The following TTC28 variants were observed in gnomAD, a reference collection of about 807,000 sequenced individuals.
TTC28 encodes tetratricopeptide repeat domain 28, also known as tetratricopeptide repeat protein 28.
A neutral mutation model predicts 198.0 loss-of-function variants in TTC28; 61 were observed. The observed-to-expected ratio is 0.31, with a 90% confidence interval of 0.25 to 0.38. The LOEUF is 0.38. Ranked by LOEUF, TTC28 falls within the 10% of genes least tolerant of loss-of-function variation. The pLI, the probability that TTC28 is intolerant of heterozygous loss-of-function variation, is 1.00. For missense variants in TTC28, 2,678 were observed against 3,164.0 expected, an observed-to-expected ratio of 0.85 and a Z score of 3.69; for synonymous variants, 1,171 against 1,297.8, an observed-to-expected ratio of 0.90 and a Z score of 2.10.
At chr22:28,134,391 TCAGA>T (rs1241344073) in intron 6 of TTC28, among the ~76,000 whole-genome samples, 2 of 152,026 alleles carry the variant, frequency 1.3e-5, no homozygotes, top group Admixed American at 6.6e-5. Context: ...GAAGAAGGCG[TCAGA>T]CAATCAAACT....
intron 12 of TTC28, among the ~76,000 whole-genome samples, chr22:28,087,280 A>G (rs1488000548): frequency 6.6e-6 from 1 of 152,176 alleles, no homozygotes; most frequent in African/African-American, 2.4e-5. Context: ...ATGGCAAACC[A>G]AAACCAGCAG....
intron 2 of TTC28, among the ~76,000 whole-genome samples, chr22:28,417,300 T>TG (rs2047181003): frequency 4.5e-5 from 2 of 44,650 alleles, no homozygotes; most frequent in Non-Finnish European, 4.0e-5. Flanking sequence ...CTGTCTCTAC[T>TG]AAAAAAAAAA....
chr22:28,130,974 G>A (rs1431212129), intron 6 of TTC28, among the ~76,000 whole-genome samples: 1 of 152,176 alleles, frequency 6.6e-6, no homozygotes, highest in Non-Finnish European at 1.5e-5. Flanking sequence ...CAATTACTCA[G>A]AATATACTCA....
At chr22:28,469,472 A>G (rs2146296572) in intron 2 of TTC28, among the ~76,000 whole-genome samples, 1 of 152,320 alleles carries the variant, frequency 6.6e-6, no homozygotes, top group Admixed American at 6.5e-5. Flanking sequence ...CAAATTAAGG[A>G]TCAAAAAAAT....
At chr22:28,341,980 T>TA (rs898956703) in intron 2 of TTC28, among the ~76,000 whole-genome samples, 5 of 152,082 alleles carry the variant, frequency 3.3e-5, no homozygotes, top group South Asian at 2.1e-4. Context: ...TCCTGTCGCT[T>TA]AAAAAAACAG....
intron 2 of TTC28, among the ~76,000 whole-genome samples, chr22:28,395,987 T>A (rs989673856): frequency 6.6e-6 from 1 of 152,226 alleles, no homozygotes; most frequent in Non-Finnish European, 1.5e-5. Context: ...GTTAAGTGGT[T>A]TGTCCAAGAT....
rs1180800105 is a variant in TTC28, at chr22:28,020,803, GCA to G, written c.4074-6413_4074-6412del. 2.9e-5 allele frequency among the ~76,000 whole-genome samples: 4 copies of G among 136,128 alleles called. No individual in the cohort carries two copies. In the East Asian group the frequency reaches 8.7e-4, roughly 30 times the overall value. The allele number at this position is 136,128 out of a possible 152,430, so 89.3% of individuals were successfully genotyped here. ...AACACACACACACACACACACACACGCACACACACAGAGCTTTCTCAGGCTCT... is the reference window on the plus strand; with the variant it reads ...AACACACACACACACACACACACACGCACACACAGAGCTTTCTCAGGCTCT... On this transcript the variant is annotated intron_variant, in intron 13 of 22. Transcript: ENST00000397906.
intron 17 of TTC28, chr22:27,994,598 G>A (rs1241835243): frequency 6.6e-6 from 1 of 152,190 alleles, no homozygotes; most frequent in Non-Finnish European, 1.5e-5. Flanking sequence ...CAGGAGCGGG[G>A]GGCCTCCAAG....
intron 5 of TTC28, among the ~76,000 whole-genome samples, chr22:28,242,199 C>A (rs549265019): frequency 6.6e-6 from 1 of 152,306 alleles, no homozygotes; most frequent in Admixed American, 6.5e-5. Flanking sequence ...AGTGTCTACT[C>A]TCCAGCATTC....
chr22:28,105,555 C>G lies in TTC28; in HGVS notation c.3031G>C (p.Gly1011Arg), dbSNP rs946536657. The stretch of plus-strand genomic sequence containing the variant: ...TACTGCAGGGCTGTGTCATACTCCC[C>G]CATCTGCTGGTAAACGCCCCCCAGG... ...CGLGGVYQQM[G>R]EYDTALQYHQ... Residue 1011 changes from glycine to arginine, a missense_variant, in exon 8 of 23, where the codon GGG becomes CGG. By Grantham distance (125) the Gly-to-Arg change is moderately radical. Transcript: ENST00000397906. 6.4e-7 allele frequency: 1 copy of G among 1,551,736 alleles called. No individual in the cohort carries two copies. Among genetic ancestry groups the G allele is most frequent in the Non-Finnish European group, 8.7e-7 (1 of 1,147,004 alleles).
At chr22:28,187,280 C>T (rs1924288189) in intron 5 of TTC28, among the ~76,000 whole-genome samples, 1 of 152,060 alleles carries the variant, frequency 6.6e-6, no homozygotes, top group South Asian at 2.1e-4. Context: ...AAATACCAGT[C>T]CTAAAATACT....
chr22:28,623,988 CAA>C (rs919966621), intron 2 of TTC28, among the ~76,000 whole-genome samples: 3 of 150,970 alleles, frequency 2.0e-5, no homozygotes, highest in African/African-American at 7.3e-5. Flanking sequence ...GAAATGAAAA[CAA>C]AGAGCAAAGT....
chr22:28,589,404 C>G (rs116957167), intron 2 of TTC28, among the ~76,000 whole-genome samples: 10,523 of 152,232 alleles, frequency 0.069, 532 homozygotes, highest in Non-Finnish European at 0.096. Flanking sequence ...GCCAAATTCC[C>G]AAACAAGCCA....
At chr22:28,310,173 C>CACACACACACACACAA (rs1340546067) in intron 2 of TTC28, among the ~76,000 whole-genome samples, 4 of 94,358 alleles carry the variant, frequency 4.2e-5, no homozygotes, top group African/African-American at 1.8e-4. Context: ...CACACACACA[C>CACACACACACACACAA]AAAAAACAAG....
At chr22:28,550,063 T>C (rs1432409682) in intron 2 of TTC28, among the ~76,000 whole-genome samples, 1 of 152,126 alleles carries the variant, frequency 6.6e-6, no homozygotes, top group Non-Finnish European at 1.5e-5. Flanking sequence ...TCTATGACTG[T>C]TTAGTGAAAA....
chr22:28,399,237 C>A (rs925017072), intron 2 of TTC28, among the ~76,000 whole-genome samples: 3 of 152,022 alleles, frequency 2.0e-5, no homozygotes, highest in Non-Finnish European at 4.4e-5. Context: ...AAATTTAAAT[C>A]CCTGCCTGTA....
rs1318550358 is a variant in TTC28 at position 27,982,686 on chromosome 22, G to A, written c.6981C>T (p.Ser2327=). The A allele has an allele frequency of 2.6e-6, 4 of 1,551,622 alleles. No individual in the cohort carries two copies. Among genetic ancestry groups the A allele is most frequent in the Admixed American group, 3.9e-5 (2 of 50,982 alleles). The change falls in exon 23 of 23, where the codon TCC becomes TCT. Residue 2327 remains serine (S), a synonymous_variant. Coordinates refer to ENST00000397906, the MANE Select transcript of TTC28 (RefSeq NM_001145418.2). This position sits in a 1 kb window ranked among gnomAD's most constrained non-coding sequence, Gnocchi z 5.2. ...GSAPSPALSY[S]SAGSARSSPA... is the part of the protein sequence containing the mutation. ...GACTTGAGCGAGCAGATCCAGCTGAGGAGTAGGAGAGAGCTGGGGAGGGTG... is the reference window on the plus strand; with the variant it reads ...GACTTGAGCGAGCAGATCCAGCTGAAGAGTAGGAGAGAGCTGGGGAGGGTG...
At chr22:28,447,480 G>C (rs530239558) in intron 2 of TTC28, among the ~76,000 whole-genome samples, 1 of 152,148 alleles carries the variant, frequency 6.6e-6, no homozygotes, top group Non-Finnish European at 1.5e-5. Context: ...AATTCCATCT[G>C]CAAGTCCTAA....
At chr22:28,444,386 G>A (rs2047671656) in intron 2 of TTC28, among the ~76,000 whole-genome samples, 1 of 152,146 alleles carries the variant, frequency 6.6e-6, no homozygotes, top group African/African-American at 2.4e-5. Flanking sequence ...AACTATATCA[G>A]TATAAGTAAG....
Sources: gnomAD v4.1 joint callset for allele counts (sites outside exome capture counted in the v4.1 genomes callset) on GRCh38, gnomAD v4.1.1 for gene constraint, Gnocchi (gnomAD v3.1) non-coding constraint, MANE v1.5 for transcripts, NCBI Gene and HGNC (gene_info 2026-07-23, HGNC 2026-07-21) for gene names.